RFX8: variants seen among roughly 807,000 people sequenced by gnomAD.
RFX8 encodes the protein DNA-binding protein RFX8.
RFX8 carries 46 observed loss-of-function variants against 54.6 expected under a neutral mutation model. The observed-to-expected ratio is 0.84, with a 90% CI of 0.67 to 1.08. RFX8 has a LOEUF of 1.08. RFX8 is among the 50% of genes least tolerant of loss of function. RFX8 has a pLI of 0.00. For missense variants in RFX8, 536 were observed against 562.3 expected (o/e 0.95, Z 0.47); for synonymous variants, 192 against 209.5 (o/e 0.92, Z 0.72).
intron 6 of RFX8, among the ~76,000 whole-genome samples, chr2:101,416,746 T>C (rs1444926711): frequency 6.6e-6 from 1 of 151,874 alleles, no homozygotes; most frequent in African/African-American, 2.4e-5. Flanking sequence ...TGAAGGAGCA[T>C]GGAGCTGCAG....
In RFX8 at chr2:101,411,537, G is replaced by C. The variant is rs77417010; in HGVS notation, c.719-824C>G. Among the ~76,000 whole-genome samples the C allele has an allele frequency of 5.5e-3, 840 of 152,244 alleles. 8 individuals carry two copies. Among genetic ancestry groups the C allele is most frequent in the African/African-American group, 0.019 (806 of 41,530 alleles). On this transcript the variant is annotated intron_variant, in intron 8 of 11. Coordinates refer to ENST00000428343, the MANE Select transcript of RFX8 (RefSeq NM_001145664.2). ...CTCATGCCCTCCTGGGACTCCCTGT[G>C]ATCCAGCTGGGGGCAAGAGGAGGTT...
At chr2:101,410,584 C>T (rs375206802) in intron 9 of RFX8, 35 bp downstream of exon 9, 7 of 1,112,592 alleles carry the variant, frequency 6.3e-6, no homozygotes, top group Non-Finnish European at 9.2e-6. Flanking sequence ...GAATGGTCAA[C>T]ACACTTTTTT....
chr2:101,469,401 C>G (rs972062080), intron 1 of RFX8, among the ~76,000 whole-genome samples: 146 of 152,130 alleles, frequency 9.6e-4, no homozygotes, highest in African/African-American at 3.4e-3. Flanking sequence ...AATCCTCCCA[C>G]CTTGGCCTTC....
chr2:101,448,491 C>T (rs1181688421), intron 2 of RFX8, among the ~76,000 whole-genome samples: 1 of 152,246 alleles, frequency 6.6e-6, no homozygotes, highest in African/African-American at 2.4e-5. Context: ...CATTGCTTCA[C>T]TCAAAGCCCA....
At chr2:101,473,625 T>G (rs1690133180) in intron 1 of RFX8, among the ~76,000 whole-genome samples, 1 of 152,298 alleles carries the variant, frequency 6.6e-6, no homozygotes, top group African/African-American at 2.4e-5. Flanking sequence ...CTTGTAAAAC[T>G]AAAGGTCCTA....
At chr2:101,412,725 G>A (rs1166056374) in intron 8 of RFX8, among the ~76,000 whole-genome samples, 190 bp downstream of exon 8, 1 of 152,216 alleles carries the variant, frequency 6.6e-6, no homozygotes, top group Non-Finnish European at 1.5e-5. Flanking sequence ...GGTCCTGGGA[G>A]CACAGGGACA....
At chr2:101,433,800 G>T (rs1687623498) in intron 2 of RFX8, among the ~76,000 whole-genome samples, 4 of 152,216 alleles carry the variant, frequency 2.6e-5, no homozygotes, top group Admixed American at 2.6e-4. Context: ...CAGAGCAAAG[G>T]CACTTCATCT....
chr2:101,461,459 A>C (rs1377173825), intron 2 of RFX8, among the ~76,000 whole-genome samples: 1 of 152,198 alleles, frequency 6.6e-6, no homozygotes, highest in Non-Finnish European at 1.5e-5. Flanking sequence ...GTTGCAAAGC[A>C]AAATCCAGAT....
intron 10 of RFX8, 35 bp downstream of exon 10, chr2:101,405,908 T>C: frequency 7.8e-7 from 1 of 1,285,322 alleles, no homozygotes; most frequent in Non-Finnish European, 1.1e-6. Context: ...TTTTAAAAGG[T>C]AGAATACAAA....
chr2:101,402,583 G>A lies in RFX8; in HGVS notation c.1098C>T (p.Ser366=). 6.4e-7 allele frequency: 1 copy of A among 1,551,982 alleles called. No individual in the cohort carries two copies. Among genetic ancestry groups the A allele is most frequent in the Non-Finnish European group, 8.7e-7 (1 of 1,147,070 alleles). Residue 366 remains serine, a synonymous_variant, in exon 11 of 12, where the codon TCC becomes TCT. Transcript: ENST00000428343. ...PDQALFHSLN[S]SLSQACASPS... is the part of the protein sequence containing the mutation. Reference sequence around the variant, plus strand: ...GGCTGGCACACGCCTGCGACAGTGAGGAATTCAGAGAATGGAAAAGTGCCT... The same window carrying A: ...GGCTGGCACACGCCTGCGACAGTGAAGAATTCAGAGAATGGAAAAGTGCCT...
intron 2 of RFX8, among the ~76,000 whole-genome samples, chr2:101,462,447 G>C (rs1174534208): frequency 6.6e-6 from 1 of 152,012 alleles, no homozygotes; most frequent in Admixed American, 6.6e-5. Flanking sequence ...GGGGGGATAT[G>C]GTTAAATAAA....
In RFX8 at chr2:101,422,351, T is replaced by G. The variant is rs762142495; in HGVS notation, c.183+11A>C. Reference sequence around the variant, plus strand: ...CGTGAAAGGCTAATCTCCCCATGAGTGCAAACCTACCATATTACAGGAGTA... The same window carrying G: ...CGTGAAAGGCTAATCTCCCCATGAGGGCAAACCTACCATATTACAGGAGTA... On this transcript the variant is annotated intron_variant, in intron 3 of 11. Coordinates refer to ENST00000428343, the MANE Select transcript of RFX8 (RefSeq NM_001145664.2). The G allele has an allele frequency of 5.4e-5, 74 of 1,360,036 alleles. No homozygotes were observed. The highest frequency in any genetic ancestry group is 1.0e-6 in the Non-Finnish European group (1 of 971,684). The allele number at this position is 1,360,036 out of a possible 1,614,324, so 84.2% of individuals were successfully genotyped here. A position where few individuals can be genotyped will look rare whatever the true frequency, so the allele number is the denominator to read the frequency against.
chr2:101,435,472 G>C (rs563108752), intron 2 of RFX8, among the ~76,000 whole-genome samples: 1 of 152,224 alleles, frequency 6.6e-6, no homozygotes, highest in East Asian at 1.9e-4. Flanking sequence ...CAAAACCCAG[G>C]GATTTTGCCT....
chr2:101,405,477 C>T (rs1255043129), intron 10 of RFX8, among the ~76,000 whole-genome samples: 1 of 152,070 alleles, frequency 6.6e-6, no homozygotes, highest in African/African-American at 2.4e-5. Context: ...GCAATTGCAT[C>T]AAAGATGTGA....
At chr2:101,405,133 C>A (rs1490090379) in intron 10 of RFX8, among the ~76,000 whole-genome samples, 1 of 151,578 alleles carries the variant, frequency 6.6e-6, no homozygotes, top group Non-Finnish European at 1.5e-5. Context: ...TGGTGAACTT[C>A]CCTTCCTATA....
chr2:101,449,229 C>T (rs1422220196), intron 2 of RFX8, among the ~76,000 whole-genome samples: 1 of 152,146 alleles, frequency 6.6e-6, no homozygotes, highest in Non-Finnish European at 1.5e-5. Flanking sequence ...TGGCTAACAC[C>T]AGCCTAGGGT....
At chr2:101,422,050 T>C (rs1047128066) in intron 3 of RFX8, among the ~76,000 whole-genome samples, 1 of 152,198 alleles carries the variant, frequency 6.6e-6, no homozygotes, top group Non-Finnish European at 1.5e-5. Flanking sequence ...CTTTGACACC[T>C]TTTTTTCTAA....
chr2:101,444,024 A>G (rs780985440), intron 2 of RFX8, among the ~76,000 whole-genome samples: 3 of 152,160 alleles, frequency 2.0e-5, no homozygotes, highest in South Asian at 2.1e-4. Context: ...CTCCACCTGC[A>G]TGCACAGTAG....
intron 1 of RFX8, among the ~76,000 whole-genome samples, chr2:101,467,862 C>T (rs1380658086): frequency 1.3e-5 from 2 of 150,952 alleles, no homozygotes; most frequent in African/African-American, 2.5e-5. Context: ...GACAGACCAT[C>T]GTTCTTTAAA....
Sources: gnomAD v4.1 joint callset for allele counts (sites outside exome capture counted in the v4.1 genomes callset) on GRCh38, gnomAD v4.1.1 for gene constraint, MANE v1.5 for transcripts, NCBI Gene and HGNC (gene_info 2026-07-23, HGNC 2026-07-21) for gene names.